ASB2: variants seen among roughly 807,000 people sequenced by gnomAD.
ASB2 encodes ankyrin repeat and SOCS box protein 2.
A neutral mutation model predicts 62.4 loss-of-function variants in ASB2; 58 were observed. That is an observed-to-expected ratio of 0.93 (90% CI 0.75 to 1.16). The LOEUF is 1.16. Ranked by LOEUF, ASB2 falls within the 50% of genes most tolerant of loss-of-function variation. The probability of loss-of-function intolerance (pLI) is 0.00; values close to 1 mark genes in which losing one functional copy is unlikely to be tolerated. For missense variants in ASB2, 928 were observed against 887.9 expected (o/e 1.05, Z -0.57); for synonymous variants, 386 against 385.3 (o/e 1.00, Z -0.02).
At chr14:93,964,773 A>G (rs1889534509) in intron 1 of ASB2, among the ~76,000 whole-genome samples, 161 bp from the exon 2 acceptor site, 1 of 151,144 alleles carries the variant, frequency 6.6e-6, no homozygotes, top group Admixed American at 6.6e-5. Flanking sequence ...CTATATATCC[A>G]TCCATCCATC....
chr14:93,969,495 C>T (rs1200265790), intron 1 of ASB2, among the ~76,000 whole-genome samples: 8 of 152,288 alleles, frequency 5.3e-5, no homozygotes, highest in Non-Finnish European at 1.5e-5. Flanking sequence ...CCTCTTTGGA[C>T]CTCAGTTTCC....
intron 7 of ASB2, among the ~76,000 whole-genome samples, chr14:93,943,333 T>C (rs1255831027): frequency 6.6e-6 from 1 of 152,170 alleles, no homozygotes; most frequent in African/African-American, 2.4e-5. Flanking sequence ...CTTTGACCCT[T>C]GTCAGTGTTC....
At chr14:93,937,102 G>A (rs1373527096) in intron 9 of ASB2, among the ~76,000 whole-genome samples, 1 of 152,192 alleles carries the variant, frequency 6.6e-6, no homozygotes, top group Admixed American at 6.5e-5. Context: ...CTCTGTTCAG[G>A]TGGGGAGAGG....
At chr14:93,944,384 C>A (rs546984828) in intron 7 of ASB2, among the ~76,000 whole-genome samples, 1 of 152,256 alleles carries the variant, frequency 6.6e-6, no homozygotes, top group Non-Finnish European at 1.5e-5. Context: ...TCTCAGCACA[C>A]CCGCATGTCA....
chr14:93,960,315 C>T (rs1286996655), intron 2 of ASB2, among the ~76,000 whole-genome samples: 2 of 152,154 alleles, frequency 1.3e-5, no homozygotes, highest in Non-Finnish European at 2.9e-5. Flanking sequence ...AGTTCTGGGC[C>T]TTCACCCTCA....
intron 3 of ASB2, among the ~76,000 whole-genome samples, 161 bp from the exon 4 acceptor site, chr14:93,954,644 G>A (rs930985400): frequency 1.3e-5 from 2 of 152,226 alleles, no homozygotes; most frequent in Non-Finnish European, 2.9e-5. Flanking sequence ...CAAGAGGACT[G>A]GGGGATCCCT....
At chr14:93,960,832 C>G (rs1322263000) in intron 2 of ASB2, among the ~76,000 whole-genome samples, 1 of 152,084 alleles carries the variant, frequency 6.6e-6, no homozygotes, top group Non-Finnish European at 1.5e-5. Flanking sequence ...ATTTTGGTCA[C>G]AATATAATAA....
At chr14:93,956,963 A>T in intron 2 of ASB2, 93 bp from the exon 3 acceptor site, 1 of 1,580,590 alleles carries the variant, frequency 6.3e-7, no homozygotes, top group Non-Finnish European at 8.6e-7. Context: ...ATGGAGGGAG[A>T]GCCAGGGAGA....
rs547067875 is a variant in ASB2, at chr14:93,937,840, G to T, written c.1629C>A (p.Phe543Leu). The part of the protein sequence containing the change: ...KEPSVVQFCE[F>L]VSAPEVSRWA... ...AGCGGCTCACCTCTGGGGCAGATACGAACTCACAGAACTGAAAGAGAACAT... is the reference window on the plus strand; with the variant it reads ...AGCGGCTCACCTCTGGGGCAGATACTAACTCACAGAACTGAAAGAGAACAT... The change falls in exon 9 of 10, where the codon TTC becomes TTA. Residue 543 changes from phenylalanine to leucine, a missense_variant. Physicochemically the swap from Phe to Leu is conservative, Grantham distance 22. Transcript: ENST00000555019. 3.1e-6 allele frequency: 5 copies of T among 1,596,886 alleles called. No individual in the cohort carries two copies. Among genetic ancestry groups the T allele is most frequent in the Non-Finnish European group, 4.3e-6 (5 of 1,165,932 alleles).
intron 6 of ASB2, among the ~76,000 whole-genome samples, chr14:93,947,994 G>GGAAAA: frequency 1.2e-4 from 1 of 8,252 alleles, no homozygotes; most frequent in Non-Finnish European, 3.6e-4. Context: ...AACTCCGCCT[G>GGAAAA]GAAAAAAAAA....
At chr14:93,938,782 C>T (rs757691847) in intron 8 of ASB2, among the ~76,000 whole-genome samples, 1 of 152,210 alleles carries the variant, frequency 6.6e-6, no homozygotes, top group Non-Finnish European at 1.5e-5. Flanking sequence ...AGGATTTCAC[C>T]GTTCCAATGC....
chr14:93,968,530 CA>C (rs898809621), intron 1 of ASB2, among the ~76,000 whole-genome samples: 1 of 152,186 alleles, frequency 6.6e-6, no homozygotes, highest in Non-Finnish European at 1.5e-5. Flanking sequence ...AACACTGACC[CA>C]AGCAACTGAC....
chr14:93,973,605 T>C (rs544433632), intron 1 of ASB2, among the ~76,000 whole-genome samples: 1 of 152,198 alleles, frequency 6.6e-6, no homozygotes, highest in Non-Finnish European at 1.5e-5. Flanking sequence ...TTTGGGCCCC[T>C]GAGCTATTGA....
At chr14:93,968,671 G>A (rs947379942) in intron 1 of ASB2, among the ~76,000 whole-genome samples, 6 of 152,062 alleles carry the variant, frequency 3.9e-5, no homozygotes, top group African/African-American at 1.5e-4. Context: ...CTGCATGGAG[G>A]GTACACGCAG....
At chr14:93,969,177 T>C (rs1020780677) in intron 1 of ASB2, among the ~76,000 whole-genome samples, 2 of 152,210 alleles carry the variant, frequency 1.3e-5, no homozygotes, top group Non-Finnish European at 2.9e-5. Context: ...TGTTAGTAAG[T>C]GTGCAATGCA....
Position 93,939,118 on chromosome 14 carries a change from C to G in ASB2, c.1607G>C (p.Ser536Thr), listed in dbSNP as rs1451702862. 1 of 1,515,734 alleles carries G rather than the reference C, an allele frequency of 6.6e-7. No homozygotes were observed. Among genetic ancestry groups the G allele is most frequent in the Non-Finnish European group, 8.9e-7 (1 of 1,127,826 alleles). 93.9% of individuals were successfully genotyped at this position (1,515,734 alleles called of 1,614,324 possible). The change falls in exon 8 of 10, where the codon AGC (serine) becomes ACC (threonine). Residue 536 changes from serine to threonine, a missense_variant. By Grantham distance (58) the Ser-to-Thr change is moderately conservative (BLOSUM62 1). Coordinates refer to ENST00000555019, the MANE Select transcript of ASB2 (RefSeq NM_001202429.2). ...NDAPAADKEP[S>T]VVQFCEFVSA... ...GCGTGCGCTGCCCACCTGCACCACG[C>G]TGGGCTCCTTGTCGGCCGCGGGCGC...
At chr14:93,940,185 C>T (rs1252185134) in intron 7 of ASB2, 2 of 154,606 alleles carry the variant, frequency 1.3e-5, no homozygotes, top group Non-Finnish European at 2.9e-5. Context: ...GGAGCCAGAC[C>T]CTGCTCTCTC....
chr14:93,953,939 G>T (rs1311245549), intron 4 of ASB2, among the ~76,000 whole-genome samples: 1 of 152,190 alleles, frequency 6.6e-6, no homozygotes, highest in East Asian at 1.9e-4. Context: ...AGGAGGCACG[G>T]CTGTCCCGCG....
rs546292922 is a variant in ASB2 at position 93,957,038 on chromosome 14, C to G, written c.207-168G>C. ...GGCCGGGTCCTCTGTGTGCTGGACA[C>G]AGCTGCTGTGTCTCCGGATTATTTT... On this transcript the variant is annotated intron_variant, in intron 2 of 9. Transcript: ENST00000555019. 6.0e-6 allele frequency: 9 copies of G among 1,500,452 alleles called. No individual in the cohort carries two copies. In the African/African-American group the frequency reaches 9.8e-5, roughly 16 times the overall value. 92.9% of individuals were successfully genotyped at this position (1,500,452 alleles called of 1,614,324 possible).
Sources: gnomAD v4.1 joint callset for allele counts (sites outside exome capture counted in the v4.1 genomes callset) on GRCh38, gnomAD v4.1.1 for gene constraint, MANE v1.5 for transcripts, NCBI Gene and HGNC (gene_info 2026-07-23, HGNC 2026-07-21) for gene names.